The following ELL2 variants were observed in gnomAD, a reference collection of about 807,000 sequenced individuals.
The protein encoded by ELL2 is elongation factor for RNA polymerase II 2.
In ELL2, 21 loss-of-function variants were observed where a neutral mutation model predicts 72.8. The ratio of observed to expected loss-of-function variants is 0.29; its 90% CI spans 0.20 to 0.42. ELL2 has a LOEUF of 0.42. ELL2 is among the 10% of genes least tolerant of loss of function. The pLI is 1.00. For synonymous variants in ELL2, 266 were observed against 283.2 expected (o/e 0.94, Z 0.61); for missense variants, 568 against 772.8 (o/e 0.73, Z 3.14).
chr5:95,958,397 C>G (rs1477410796), intron 1 of ELL2, among the ~76,000 whole-genome samples: 1 of 152,236 alleles, frequency 6.6e-6, no homozygotes, highest in Non-Finnish European at 1.5e-5. Context: ...TAGAGGTACA[C>G]TGGTCTGGCT....
chr5:95,888,210 T>C lies in ELL2; in HGVS notation c.*661A>G, dbSNP rs1164858993. ...GTGTAGCTAATGATTAACCACACTATGTACACAACTAGCAAACACCTTAAG... is the reference window on the plus strand; with the variant it reads ...GTGTAGCTAATGATTAACCACACTACGTACACAACTAGCAAACACCTTAAG... On this transcript the variant is annotated 3_prime_UTR_variant, in exon 12 of 12. Transcript: ENST00000237853. The C allele has an allele frequency of 1.3e-5, 2 of 152,584 alleles. No individual in the cohort carries two copies. Among genetic ancestry groups the C allele is most frequent in the Admixed American group, 6.5e-5 (1 of 15,278 alleles). The allele number at this position is 152,584 out of a possible 1,614,324, so 9.5% of individuals were successfully genotyped here. A position where few individuals can be genotyped will look rare whatever the true frequency, so the allele number is the denominator to read the frequency against.
chr5:95,929,293 C>T (rs1306707340), intron 2 of ELL2, among the ~76,000 whole-genome samples: 1 of 149,652 alleles, frequency 6.7e-6, no homozygotes, highest in Non-Finnish European at 1.5e-5. Flanking sequence ...GAGTCTCGCT[C>T]TGTCGCCCAG....
At chr5:95,896,770 T>C (rs1009179184) in intron 8 of ELL2, among the ~76,000 whole-genome samples, 6 of 152,218 alleles carry the variant, frequency 3.9e-5, no homozygotes, top group African/African-American at 1.4e-4. Context: ...AAAGTTACTA[T>C]ATCCTCAGTA....
intron 2 of ELL2, among the ~76,000 whole-genome samples, chr5:95,941,597 C>T (rs1479223161): frequency 6.6e-6 from 1 of 152,092 alleles, no homozygotes; most frequent in Non-Finnish European, 1.5e-5. Flanking sequence ...ACTTGCATTT[C>T]CCAGGAGAAA....
chr5:95,913,974 A>G (rs1749696473), intron 3 of ELL2, 40 bp from the exon 4 acceptor site: 2 of 1,519,102 alleles, frequency 1.3e-6, no homozygotes, highest in African/African-American at 2.8e-5. Context: ...CATGACCTTC[A>G]TTTTGTACAA....
chr5:95,954,299 A>G (rs548053652), intron 1 of ELL2, among the ~76,000 whole-genome samples: 44 of 151,816 alleles, frequency 2.9e-4, no homozygotes, highest in Non-Finnish European at 4.9e-4. Flanking sequence ...CACTCTCCCA[A>G]CTGCTTCCAA....
At chr5:95,916,132 A>G (rs561358915) in intron 3 of ELL2, among the ~76,000 whole-genome samples, 3 of 151,286 alleles carry the variant, frequency 2.0e-5, no homozygotes, top group Non-Finnish European at 4.4e-5. Flanking sequence ...TTCCAGAGAT[A>G]GTGAGGAAGT....
chr5:95,926,142 T>C (rs1400428002), intron 2 of ELL2, among the ~76,000 whole-genome samples: 1 of 151,500 alleles, frequency 6.6e-6, no homozygotes, highest in Non-Finnish European at 1.5e-5. Context: ...CCTGCAGTTA[T>C]GACTTTAGGC....
intron 5 of ELL2, 156 bp from the exon 6 acceptor site, chr5:95,901,236 C>T (rs1368843658): frequency 1.2e-5 from 8 of 676,124 alleles, no homozygotes; most frequent in Non-Finnish European, 1.8e-5. Flanking sequence ...CAATAAATGC[C>T]ATTAACTTCA....
chr5:95,950,919 T>TATATATAC (rs1751361303), intron 1 of ELL2, among the ~76,000 whole-genome samples: 3 of 97,784 alleles, frequency 3.1e-5, no homozygotes, highest in Non-Finnish European at 5.9e-5. Flanking sequence ...TATATATATA[T>TATATATAC]ATATATATAT....
intron 2 of ELL2, among the ~76,000 whole-genome samples, chr5:95,926,574 A>C (rs1219178331): frequency 6.6e-6 from 1 of 152,232 alleles, no homozygotes; most frequent in Non-Finnish European, 1.5e-5. Context: ...TATATTAAGC[A>C]AGGAAAAAGT....
At chr5:95,932,487 A>G (rs939462879) in intron 2 of ELL2, 1 of 152,260 alleles carries the variant, frequency 6.6e-6, no homozygotes, top group Non-Finnish European at 1.5e-5. Flanking sequence ...CTATATTTGA[A>G]TAACTGATAT....
intron 4 of ELL2, chr5:95,913,179 G>C (rs1031305292): frequency 6.6e-6 from 1 of 152,222 alleles, no homozygotes; most frequent in African/African-American, 2.4e-5. Context: ...GGGTCGGATA[G>C]GGTCTTAATT....
intron 5 of ELL2, among the ~76,000 whole-genome samples, chr5:95,905,668 T>C (rs1749327412): frequency 1.3e-5 from 2 of 152,142 alleles, no homozygotes; most frequent in Admixed American, 6.6e-5. Flanking sequence ...TTTAGTATTA[T>C]GTTGTGAATG....
intron 4 of ELL2, among the ~76,000 whole-genome samples, chr5:95,909,182 A>T (rs1749487194): frequency 6.6e-6 from 1 of 152,202 alleles, no homozygotes; most frequent in Admixed American, 6.5e-5. Flanking sequence ...GTTTGGCAAG[A>T]AAGTAAGAGC....
chr5:95,906,108 A>G (rs944687548), intron 5 of ELL2, among the ~76,000 whole-genome samples: 6 of 152,216 alleles, frequency 3.9e-5, no homozygotes, highest in African/African-American at 1.4e-4. Context: ...GGCAAGATAC[A>G]TTTTAAACTA....
chr5:95,915,344 C>T (rs2112303967), intron 3 of ELL2, among the ~76,000 whole-genome samples: 1 of 152,330 alleles, frequency 6.6e-6, no homozygotes, highest in South Asian at 2.1e-4. Context: ...CTCATGAACA[C>T]TCGCCTTGGC....
chr5:95,920,232 T>C (rs1283583715), intron 2 of ELL2, among the ~76,000 whole-genome samples: 1 of 151,874 alleles, frequency 6.6e-6, no homozygotes, highest in Non-Finnish European at 1.5e-5. Context: ...AACAGGAAGA[T>C]GTATTTTCTT....
intron 2 of ELL2, among the ~76,000 whole-genome samples, chr5:95,937,733 C>G (rs1396632439): frequency 6.6e-6 from 1 of 152,086 alleles, no homozygotes; most frequent in Non-Finnish European, 1.5e-5. Flanking sequence ...TTTTAACATT[C>G]TTCTGGTATT....
Sources: gnomAD v4.1 joint callset for allele counts (sites outside exome capture counted in the v4.1 genomes callset) on GRCh38, gnomAD v4.1.1 for gene constraint, MANE v1.5 for transcripts, NCBI Gene and HGNC (gene_info 2026-07-23, HGNC 2026-07-21) for gene names.